The following MIB1 variants were observed in gnomAD, a reference collection of about 807,000 sequenced individuals.
The protein encoded by MIB1 is E3 ubiquitin-protein ligase MIB1.
A neutral mutation model predicts 124.5 loss-of-function variants in MIB1; 278 were observed. That is an observed-to-expected ratio of 2.23 (90% CI 2.02 to 2.47). The LOEUF (loss-of-function observed/expected upper bound fraction) is 2.47, where lower values mean the gene tolerates loss of function less well. Ranked by LOEUF, MIB1 falls within the 30% of genes most tolerant of loss-of-function variation. MIB1 has a pLI of 0.00. For missense variants in MIB1, 957 were observed against 1,254.4 expected (o/e 0.76, Z 3.58); for synonymous variants, 446 against 429.4 (o/e 1.04, Z -0.48).
At chr18:21,781,707 CT>C (rs1311359300) in intron 6 of MIB1, among the ~76,000 whole-genome samples, 1 of 151,992 alleles carries the variant, frequency 6.6e-6, no homozygotes, top group Non-Finnish European at 1.5e-5. Context: ...GCCACCGCCC[CT>C]GGCCAGGGTT....
At chr18:21,729,414 C>G (rs544455394) in intron 1 of MIB1, among the ~76,000 whole-genome samples, 1 of 152,296 alleles carries the variant, frequency 6.6e-6, no homozygotes, top group South Asian at 2.1e-4. Flanking sequence ...GGGCTCCATT[C>G]CTCATAGATG....
chr18:21,856,281 A>C lies in MIB1; in HGVS notation c.2666-849A>C, dbSNP rs939392411. 9.2e-5 allele frequency among the ~76,000 whole-genome samples: 14 copies of C among 152,002 alleles called. 1 individual carries two copies. The highest frequency in any genetic ancestry group is 1.8e-4 in the Non-Finnish European group (12 of 67,984). On this transcript the variant is annotated intron_variant, in intron 18 of 20. Coordinates refer to ENST00000261537, the MANE Select transcript of MIB1 (RefSeq NM_020774.4). ...AAAAACAAAACAAAACAAAAAAAAA[A>C]CAATCATAACAACATACAGTTGTGC...
At chr18:21,785,948 G>T (rs1001260743) in intron 6 of MIB1, among the ~76,000 whole-genome samples, 3 of 152,074 alleles carry the variant, frequency 2.0e-5, no homozygotes, top group African/African-American at 7.2e-5. Flanking sequence ...CTCCTGTCCT[G>T]TATGGTTTCT....
intron 1 of MIB1, among the ~76,000 whole-genome samples, chr18:21,724,726 AAATATATATATAT>A (rs1221909173): frequency 9.5e-4 from 50 of 52,820 alleles, no homozygotes; most frequent in African/African-American, 3.6e-3. Context: ...AAAAAAAAAA[AAATATATATATAT>A]ATATATATAT....
chr18:21,735,340 A>G (rs2040791613), intron 1 of MIB1, among the ~76,000 whole-genome samples: 4 of 152,190 alleles, frequency 2.6e-5, no homozygotes, highest in Non-Finnish European at 5.9e-5. Flanking sequence ...TCCGGATCAG[A>G]TACTGTGCTT....
intron 13 of MIB1, among the ~76,000 whole-genome samples, chr18:21,839,708 C>A (rs2042064737): frequency 6.6e-6 from 1 of 151,992 alleles, no homozygotes; most frequent in African/African-American, 2.4e-5. Context: ...CACTATGTTG[C>A]CGAAGCTGGT....
Position 21,844,293 on chromosome 18 carries a change from A to C in MIB1, c.2211+40A>C, listed in dbSNP as rs369892190. On this transcript the variant is annotated intron_variant, in intron 15 of 20. Coordinates refer to ENST00000261537, the MANE Select transcript of MIB1 (RefSeq NM_020774.4). ...TCTTTCATTCAGTACCAGTGGAAGA[A>C]TCTTTTCATGCAAGATCTTATATTT... The C allele has an allele frequency of 1.9e-6, 3 of 1,592,806 alleles. No homozygotes were observed. The African/African-American group carries it at 4.0e-5, about 21-fold the overall frequency.
chr18:21,772,842 A>C (rs1325528311), intron 3 of MIB1, among the ~76,000 whole-genome samples: 1 of 152,218 alleles, frequency 6.6e-6, no homozygotes, highest in Non-Finnish European at 1.5e-5. Context: ...ACCTACTTGA[A>C]CATTGCCACC....
chr18:21,861,017 C>T (rs959773383), intron 20 of MIB1, among the ~76,000 whole-genome samples: 1 of 152,072 alleles, frequency 6.6e-6, no homozygotes, highest in Non-Finnish European at 1.5e-5. Flanking sequence ...CCATCCCAGA[C>T]GGCAGAGTGA....
At chr18:21,842,486 C>CT (rs2042100109) in intron 13 of MIB1, among the ~76,000 whole-genome samples, 1 of 152,088 alleles carries the variant, frequency 6.6e-6, no homozygotes, top group Non-Finnish European at 1.5e-5. Context: ...GGAGTTTTGA[C>CT]CTAGGTCCCC....
chr18:21,778,045 G>T (rs2041311878), intron 4 of MIB1, 58 bp from the exon 5 acceptor site: 1 of 1,167,576 alleles, frequency 8.6e-7, no homozygotes, highest in South Asian at 1.2e-5. Flanking sequence ...GCCTGTTTCA[G>T]ATACTGAGCC....
At position 21,870,279 on chromosome 18, in the gene MIB1, T is replaced by G. The variant is rs1231325903; in HGVS notation, c.*5613T>G. ...AATCTCAATACATTAAAAAACCTGT[T>G]ATTGTTAAAAAGGAAATTACCATGC... On this transcript the variant is annotated 3_prime_UTR_variant, in exon 21 of 21. Coordinates refer to ENST00000261537, the MANE Select transcript of MIB1 (RefSeq NM_020774.4). The G allele has an allele frequency of 1.3e-5, 2 of 152,396 alleles. No individual in the cohort carries two copies. Among genetic ancestry groups the G allele is most frequent in the African/African-American group, 4.8e-5 (2 of 41,452 alleles). The allele number at this position is 152,396 out of a possible 1,614,324, so 9.4% of individuals were successfully genotyped here. A position where few individuals can be genotyped will look rare whatever the true frequency, so the allele number is the denominator to read the frequency against.
At chr18:21,768,178 A>G (rs2041185141) in intron 2 of MIB1, among the ~76,000 whole-genome samples, 1 of 152,198 alleles carries the variant, frequency 6.6e-6, no homozygotes. Flanking sequence ...TGCCATCTCT[A>G]CAATAGTGAA....
intron 12 of MIB1, among the ~76,000 whole-genome samples, chr18:21,831,792 G>A (rs2041986159): frequency 1.3e-5 from 2 of 151,864 alleles, no homozygotes; most frequent in Admixed American, 1.3e-4. Flanking sequence ...GCACTGCAGA[G>A]AAAAAAGGAA....
intron 1 of MIB1, among the ~76,000 whole-genome samples, chr18:21,708,062 A>G (rs1160959807): frequency 2.0e-5 from 3 of 152,130 alleles, no homozygotes; most frequent in Non-Finnish European, 2.9e-5. Flanking sequence ...GCCTAAACCT[A>G]ACTACATCCC....
chr18:21,830,875 A>G (rs2041972738), intron 12 of MIB1: 1 of 151,632 alleles, frequency 6.6e-6, no homozygotes, highest in African/African-American at 2.4e-5. Context: ...TCCCTTTACC[A>G]AAAACAAAAA....
chr18:21,742,093 C>CAGGT (rs2040860205), intron 1 of MIB1, among the ~76,000 whole-genome samples: 1 of 152,188 alleles, frequency 6.6e-6, no homozygotes, highest in Admixed American at 6.5e-5. Flanking sequence ...AGAACAGACA[C>CAGGT]AGGTCCCCCA....
At chr18:21,775,819 C>T (rs1008084327) in intron 4 of MIB1, among the ~76,000 whole-genome samples, 4 of 152,086 alleles carry the variant, frequency 2.6e-5, no homozygotes, top group Non-Finnish European at 5.9e-5. Flanking sequence ...TTAATGAGAT[C>T]TCTTGATGGG....
intron 2 of MIB1, among the ~76,000 whole-genome samples, chr18:21,768,083 G>A (rs1388682827): frequency 2.0e-5 from 3 of 152,136 alleles, no homozygotes; most frequent in Admixed American, 6.5e-5. Context: ...ATCTTCCCAA[G>A]TCTGAGGTCA....
Sources: gnomAD v4.1 joint callset for allele counts (sites outside exome capture counted in the v4.1 genomes callset) on GRCh38, gnomAD v4.1.1 for gene constraint, MANE v1.5 for transcripts, NCBI Gene and HGNC (gene_info 2026-07-23, HGNC 2026-07-21) for gene names.